TYW1: variants seen among roughly 807,000 people sequenced by gnomAD.
TYW1 encodes the protein tRNA-yW synthesizing protein 1 homolog, also known as S-adenosyl-L-methionine-dependent tRNA 4-demethylwyosine synthase TYW1.
TYW1 carries 46 observed loss-of-function variants against 96.2 expected under a neutral mutation model. The observed-to-expected ratio is 0.48, with a 90% CI of 0.38 to 0.61. The LOEUF (loss-of-function observed/expected upper bound fraction) is 0.61. Ranked by LOEUF, TYW1 falls within the 20% of genes least tolerant of loss-of-function variation. The probability of loss-of-function intolerance (pLI) is 0.00; values close to 1 mark genes in which losing one functional copy is unlikely to be tolerated. For missense variants in TYW1, 684 were observed against 909.6 expected (o/e 0.75, Z 3.19); for synonymous variants, 274 against 323.0 (o/e 0.85, Z 1.63).
chr7:67,056,135 C>T (rs972950069), intron 9 of TYW1, among the ~76,000 whole-genome samples: 2 of 152,190 alleles, frequency 1.3e-5, no homozygotes, highest in Admixed American at 6.5e-5. Flanking sequence ...GTCAATAACT[C>T]CCTTTCCCTA....
intron 11 of TYW1, among the ~76,000 whole-genome samples, chr7:67,096,839 G>T (rs2686988): frequency 6.6e-6 from 1 of 151,608 alleles, no homozygotes; most frequent in Non-Finnish European, 1.5e-5. Flanking sequence ...CGAGTCTTTC[G>T]CATTCTCTGT....
intron 1 of TYW1, among the ~76,000 whole-genome samples, chr7:66,997,465 A>T (rs1303242850): frequency 1.3e-5 from 2 of 152,224 alleles, no homozygotes; most frequent in African/African-American, 4.8e-5. Flanking sequence ...AACAAAATTA[A>T]TTTCACATGA....
chr7:67,064,103 G>A (rs1325547489), intron 9 of TYW1, among the ~76,000 whole-genome samples: 1 of 152,134 alleles, frequency 6.6e-6, no homozygotes, highest in Non-Finnish European at 1.5e-5. Flanking sequence ...AGAAAACTCA[G>A]TATAATAAAC....
In TYW1 at chr7:67,011,900, A is replaced by G. The variant is rs181763228; in HGVS notation, c.375+2216A>G. Among the ~76,000 whole-genome samples the G allele has an allele frequency of 2.9e-4, 44 of 151,762 alleles. No individual in the cohort carries two copies. In the East Asian group the frequency reaches 6.6e-3, roughly 23 times the overall value. ...AAAAAAAAAAAAAAAGAAGCAGCAC[A>G]TAGAGCTGGGGTTGACAAACTTTCA... On this transcript the variant is annotated intron_variant, in intron 4 of 15. Coordinates refer to ENST00000359626, the MANE Select transcript of TYW1 (RefSeq NM_018264.4).
rs200234600 is a variant in TYW1, at chr7:67,201,307, AAACAACAACAACAACAAC to A, written c.1977+5991_1977+6008del. Among the ~76,000 whole-genome samples the A allele has an allele frequency of 1.5e-4, 17 of 113,788 alleles. No homozygotes were observed. In the South Asian group the frequency reaches 2.3e-3, roughly 16 times the overall value. The allele number at this position is 113,788 out of a possible 152,430, so 74.6% of individuals were successfully genotyped here. On this transcript the variant is annotated intron_variant, in intron 15 of 15. Coordinates refer to ENST00000359626, the MANE Select transcript of TYW1 (RefSeq NM_018264.4). Reference sequence around the variant, plus strand: ...AGAGTGAGACCCTCCTCCATTTCTAAAACAACAACAACAACAACAACAACAACAACAACAACAAACCTG... The same window carrying A: ...AGAGTGAGACCCTCCTCCATTTCTAAAACAACAACAACAACAACAAACCTG...
chr7:67,060,131 A>C (rs1248499140), intron 9 of TYW1, among the ~76,000 whole-genome samples: 2 of 151,486 alleles, frequency 1.3e-5, no homozygotes, highest in Non-Finnish European at 2.9e-5. Context: ...GCTGGAGTAC[A>C]GTGGCGTGAT....
At chr7:67,230,652 C>CTTTTTT (rs34585182) in intron 15 of TYW1, among the ~76,000 whole-genome samples, 1,312 of 119,424 alleles carry the variant, frequency 0.011, 56 homozygotes, top group African/African-American at 0.042. Flanking sequence ...CTTATTATCT[C>CTTTTTT]TTTTTTTTTT....
At chr7:67,212,080 A>G (rs1403670524) in intron 15 of TYW1, among the ~76,000 whole-genome samples, 1 of 152,024 alleles carries the variant, frequency 6.6e-6, no homozygotes, top group Non-Finnish European at 1.5e-5. Flanking sequence ...ACTTAGAATA[A>G]TTTTCTGCCC....
chr7:67,144,973 GA>G (rs1488021599), intron 13 of TYW1, among the ~76,000 whole-genome samples: 1 of 149,720 alleles, frequency 6.7e-6, no homozygotes, highest in Non-Finnish European at 1.5e-5. Flanking sequence ...TGGGTGATTT[GA>G]AAGGCCTACT....
At chr7:67,086,162 G>A (rs1401154348) in intron 11 of TYW1, among the ~76,000 whole-genome samples, 1 of 152,004 alleles carries the variant, frequency 6.6e-6, no homozygotes, top group Non-Finnish European at 1.5e-5. Context: ...GGCGGGAGGT[G>A]GGGTACAAGT....
intron 13 of TYW1, among the ~76,000 whole-genome samples, chr7:67,125,820 T>G (rs1797896766): frequency 6.6e-6 from 1 of 152,258 alleles, no homozygotes; most frequent in African/African-American, 2.4e-5. Flanking sequence ...GGAATCATAC[T>G]GTATGTAGCC....
chr7:67,035,095 T>C (rs1290521029), intron 7 of TYW1, among the ~76,000 whole-genome samples: 1 of 151,976 alleles, frequency 6.6e-6, no homozygotes. Flanking sequence ...TTTTTCTTTC[T>C]TTTTTCTTTT....
chr7:67,032,359 A>C (rs148063392), intron 7 of TYW1, among the ~76,000 whole-genome samples: 4 of 152,124 alleles, frequency 2.6e-5, no homozygotes, highest in African/African-American at 9.6e-5. Context: ...TGAATTGCAC[A>C]TGTAATCCCA....
chr7:67,139,298 C>T (rs903781542), intron 13 of TYW1, among the ~76,000 whole-genome samples: 9 of 152,222 alleles, frequency 5.9e-5, no homozygotes, highest in African/African-American at 1.9e-4. Context: ...GTGATCCAGT[C>T]ACCTTGGCCT....
At chr7:67,175,789 A>T (rs1243371596) in intron 13 of TYW1, among the ~76,000 whole-genome samples, 1 of 152,252 alleles carries the variant, frequency 6.6e-6, no homozygotes, top group Non-Finnish European at 1.5e-5. Flanking sequence ...TCCTAATCTG[A>T]TATATTTACC....
chr7:67,231,835 T>G (rs916311904), intron 15 of TYW1, among the ~76,000 whole-genome samples: 2 of 141,760 alleles, frequency 1.4e-5, no homozygotes, highest in African/African-American at 5.4e-5. Flanking sequence ...TTTCAATGAA[T>G]ATATCCTCTC....
intron 15 of TYW1, among the ~76,000 whole-genome samples, chr7:67,232,292 G>T (rs1801772141): frequency 6.6e-6 from 1 of 151,318 alleles, no homozygotes; most frequent in South Asian, 2.1e-4. Context: ...TTCTGAGGTG[G>T]CTGATGGTCA....
intron 13 of TYW1, among the ~76,000 whole-genome samples, chr7:67,127,686 C>T (rs2116035817): frequency 6.6e-6 from 1 of 152,120 alleles, no homozygotes; most frequent in South Asian, 2.1e-4. Flanking sequence ...AGTTTCTGAC[C>T]TGTATCATTT....
intron 11 of TYW1, 53 bp downstream of exon 11, chr7:67,083,592 C>T: frequency 6.4e-7 from 1 of 1,562,748 alleles, no homozygotes; most frequent in South Asian, 1.2e-5. Context: ...TAGTCTGAAT[C>T]AGATTGGCAG....
Sources: allele counts gnomAD v4.1 joint callset (sites outside exome capture counted in the v4.1 genomes callset), GRCh38; gene constraint gnomAD v4.1.1; transcripts MANE v1.5; gene names NCBI Gene and HGNC (gene_info 2026-07-23, HGNC 2026-07-21).